ZFHX3: variants seen among roughly 807,000 people sequenced by gnomAD.
ZFHX3 encodes zinc finger homeobox 3.
In ZFHX3, 42 loss-of-function variants were observed where a neutral mutation model predicts 279.1. The observed-to-expected ratio is 0.15, with a 90% CI of 0.12 to 0.19. The LOEUF (loss-of-function observed/expected upper bound fraction) is 0.19, where lower values mean the gene tolerates loss of function less well. Ranked by LOEUF, ZFHX3 falls within the 10% of genes least tolerant of loss-of-function variation. ZFHX3 has a pLI of 1.00. For missense variants in ZFHX3, 4,981 were observed against 4,754.0 expected (o/e 1.05, Z -1.40); for synonymous variants, 2,293 against 1,957.8 (o/e 1.17, Z -4.52).
At chr16:72,854,019 TA>T (rs1354888656) in intron 4 of ZFHX3, among the ~76,000 whole-genome samples, 2 of 151,938 alleles carry the variant, frequency 1.3e-5, no homozygotes, top group Non-Finnish European at 2.9e-5. Context: ...AAGCACTAGT[TA>T]AAAATAGTGT....
intron 5 of ZFHX3, among the ~76,000 whole-genome samples, chr16:73,167,759 A>T (rs919603022): frequency 2.6e-5 from 4 of 152,248 alleles, no homozygotes; most frequent in African/African-American, 4.8e-5. Flanking sequence ...CCTTTTCTGC[A>T]GAAAATTCTC....
chr16:73,334,844 G>A (rs548266693), intron 3 of ZFHX3, among the ~76,000 whole-genome samples: 4 of 31,882 alleles, frequency 1.3e-4, no homozygotes, highest in South Asian at 2.3e-3. Context: ...TTTGCAAAAT[G>A]AATGCTTTCT....
chr16:72,787,685 AGTGGTACGAGCCGCCGCCGCCGCCGCC>A lies in ZFHX3; in HGVS notation c.10564_10590del (p.Gly3522_His3530del). On this transcript the variant is annotated inframe_deletion, in exon 10 of 10. Transcript: ENST00000268489. The stretch of plus-strand genomic sequence containing the variant: ...CAGAGCGCGCTCTCGCACGCCAGGC[AGTGGTACGAGCCGCCGCCGCCGCCGCC>A]GCCGCCACCGCCGCCGCCGCCGCCA... 6.7e-7 allele frequency: 1 copy of A among 1,493,450 alleles called. No individual in the cohort carries two copies. Among genetic ancestry groups the A allele is most frequent in the Non-Finnish European group, 8.9e-7 (1 of 1,118,428 alleles). 92.5% of individuals were successfully genotyped at this position (1,493,450 alleles called of 1,614,324 possible).
chr16:73,247,963 T>C (rs549872324), intron 5 of ZFHX3, among the ~76,000 whole-genome samples: 26 of 152,056 alleles, frequency 1.7e-4, no homozygotes, highest in Admixed American at 1.1e-3. Flanking sequence ...ATATAATGTG[T>C]CTGTGTGTCT....
chr16:73,098,268 C>T (rs1218724030), intron 7 of ZFHX3, among the ~76,000 whole-genome samples: 1 of 152,110 alleles, frequency 6.6e-6, no homozygotes, highest in African/African-American at 2.4e-5. Flanking sequence ...CAGGGTTTCA[C>T]CATATTGGCC....
chr16:72,792,349 G>A (rs1296569533), intron 9 of ZFHX3, among the ~76,000 whole-genome samples: 1 of 152,176 alleles, frequency 6.6e-6, no homozygotes, highest in Non-Finnish European at 1.5e-5. Context: ...AAGATTCCTG[G>A]TCAGTGCACT....
intron 4 of ZFHX3, among the ~76,000 whole-genome samples, chr16:72,830,407 T>C (rs2037034778): frequency 6.6e-6 from 1 of 152,222 alleles, no homozygotes; most frequent in Admixed American, 6.5e-5. Flanking sequence ...AGAATATCAG[T>C]GATATGAGTT....
At chr16:73,769,353 C>T (rs556580271) in intron 1 of ZFHX3, among the ~76,000 whole-genome samples, 94 of 152,228 alleles carry the variant, frequency 6.2e-4, no homozygotes, top group African/African-American at 2.0e-3. Context: ...AGGCCCCTAA[C>T]GAGCTCTTTC....
intron 4 of ZFHX3, among the ~76,000 whole-genome samples, chr16:73,268,526 G>T (rs1166799645): frequency 6.6e-6 from 1 of 152,204 alleles, no homozygotes; most frequent in Non-Finnish European, 1.5e-5. Context: ...TCTGGCATCT[G>T]TTTTGTCTTG....
chr16:72,961,271 C>A (rs1488237277), intron 1 of ZFHX3, among the ~76,000 whole-genome samples: 1 of 152,240 alleles, frequency 6.6e-6, no homozygotes, highest in African/African-American at 2.4e-5. Flanking sequence ...GCTACCCAAC[C>A]AGCTGTCGTT....
chr16:73,367,066 G>GT (rs1041714055), intron 3 of ZFHX3, among the ~76,000 whole-genome samples: 60 of 152,244 alleles, frequency 3.9e-4, no homozygotes, highest in African/African-American at 1.4e-3. Flanking sequence ...CCCACAGTGA[G>GT]TAATTTCCAT....
chr16:73,493,828 T>C (rs1332465209), intron 2 of ZFHX3, among the ~76,000 whole-genome samples: 1 of 149,120 alleles, frequency 6.7e-6, no homozygotes, highest in African/African-American at 2.6e-5. Flanking sequence ...TTTTTGGATC[T>C]GAGTTCCCCA....
chr16:73,008,657 T>G (rs940246066), intron 1 of ZFHX3, among the ~76,000 whole-genome samples: 18 of 152,284 alleles, frequency 1.2e-4, no homozygotes, highest in Middle Eastern at 6.8e-3. Context: ...CATATGCTGC[T>G]TGCTTATTTC....
At chr16:73,634,951 G>T (rs141201734) in intron 2 of ZFHX3, among the ~76,000 whole-genome samples, 1 of 152,166 alleles carries the variant, frequency 6.6e-6, no homozygotes, top group Non-Finnish European at 1.5e-5. Flanking sequence ...TGAAAGTACA[G>T]GTCTACCAAA....
chr16:73,506,233 T>C (rs972695588), intron 2 of ZFHX3, among the ~76,000 whole-genome samples: 2 of 152,208 alleles, frequency 1.3e-5, no homozygotes, highest in African/African-American at 4.8e-5. Context: ...AGTTTATCTA[T>C]CTTTCCAGGA....
intron 3 of ZFHX3, among the ~76,000 whole-genome samples, chr16:72,933,640 T>TCC (rs1959942515): frequency 6.6e-6 from 1 of 152,010 alleles, no homozygotes; most frequent in African/African-American, 2.4e-5. Context: ...ACTCCACCCC[T>TCC]CCCCCTACTC....
chr16:73,712,850 G>A (rs1281248712), intron 1 of ZFHX3, among the ~76,000 whole-genome samples: 1 of 152,226 alleles, frequency 6.6e-6, no homozygotes, highest in Non-Finnish European at 1.5e-5. Flanking sequence ...TTGTGGCCCA[G>A]CAATAGGCAA....
intron 8 of ZFHX3, 147 bp from the exon 9 acceptor site, chr16:72,798,861 C>T (rs1250237238): frequency 6.6e-6 from 9 of 1,373,724 alleles, no homozygotes; most frequent in East Asian, 5.2e-5. Flanking sequence ...AGAATCTCTG[C>T]GGAGCGCCTC....
rs1555510772 is a variant in ZFHX3, at chr16:73,334,810, C to CCTTTTTTTTTTTTTT, written c.-1290-16475_-1290-16474insAAAAAAAAAAAAAAG. ...TCTTTTCCTCCTTTTCTTTCTCATT[C>CCTTTTTTTTTTTTTT]TTTTTTTTTTTTTTTTTTTTTTTTT... On this transcript the variant is annotated intron_variant, in intron 3 of 17. Transcript: ENST00000641206. 1.4e-4 allele frequency among the ~76,000 whole-genome samples: 8 copies of CCTTTTTTTTTTTTTT among 57,858 alleles called. 2 individuals carry two copies. The highest frequency in any genetic ancestry group is 4.0e-4 in the African/African-American group (7 of 17,328). The allele number at this position is 57,858 out of a possible 152,430, so 38.0% of individuals were successfully genotyped here. A position where few individuals can be genotyped will look rare whatever the true frequency, so the allele number is the denominator to read the frequency against.
Sources: allele counts gnomAD v4.1 joint callset (sites outside exome capture counted in the v4.1 genomes callset), GRCh38; gene constraint gnomAD v4.1.1; transcripts MANE v1.5; gene names NCBI Gene and HGNC (gene_info 2026-07-23, HGNC 2026-07-21).